FMO2: variants seen among roughly 807,000 people sequenced by gnomAD.
FMO2 encodes the protein flavin containing dimethylaniline monoxygenase 2.
A neutral mutation model predicts 41.6 loss-of-function variants in FMO2; 33 were observed. The ratio of observed to expected loss-of-function variants is 0.79; its 90% confidence interval spans 0.60 to 1.06. The LOEUF (loss-of-function observed/expected upper bound fraction) is 1.06. Ranked by LOEUF, FMO2 falls within the 50% of genes least tolerant of loss-of-function variation. The probability of loss-of-function intolerance (pLI) is 0.00; values close to 1 mark genes in which losing one functional copy is unlikely to be tolerated. For synonymous variants in FMO2, 214 were observed against 219.6 expected (o/e 0.97, Z 0.23); for missense variants, 619 against 632.9 (o/e 0.98, Z 0.23).
At chr1:171,202,715 T>C (rs1384819169) in intron 5 of FMO2, among the ~76,000 whole-genome samples, 1 of 152,194 alleles carries the variant, frequency 6.6e-6, no homozygotes, top group Admixed American at 6.5e-5. Flanking sequence ...TCACCCACAG[T>C]AGTGTGATTG....
intron 4 of FMO2, 125 bp downstream of exon 4, chr1:171,196,936 G>A: frequency 2.7e-6 from 2 of 742,428 alleles, no homozygotes; most frequent in Non-Finnish European, 4.4e-6. Flanking sequence ...GATTGAGACA[G>A]AGCTAGAAAG....
intron 2 of FMO2, among the ~76,000 whole-genome samples, chr1:171,192,143 A>G (rs1658109604): frequency 1.3e-5 from 2 of 152,182 alleles, no homozygotes; most frequent in South Asian, 4.1e-4. Context: ...TGCCAATGAC[A>G]TTACATTCAA....
chr1:171,199,535 G>A, intron 5 of FMO2, 47 bp downstream of exon 5: 1 of 1,543,506 alleles, frequency 6.5e-7, no homozygotes, highest in Non-Finnish European at 8.7e-7. Context: ...AGGAAGTGGG[G>A]ATGCCATACT....
intron 1 of FMO2, 120 bp from the exon 2 acceptor site, chr1:171,185,588 A>T: frequency 2.1e-6 from 2 of 940,936 alleles, no homozygotes; most frequent in Non-Finnish European, 3.3e-6. Flanking sequence ...TTTATTCAAT[A>T]GTGCTGCTTA....
intron 2 of FMO2, among the ~76,000 whole-genome samples, chr1:171,188,383 G>A (rs1054812853): frequency 6.6e-6 from 1 of 152,218 alleles, no homozygotes; most frequent in Non-Finnish European, 1.5e-5. Flanking sequence ...AGGCTTTATT[G>A]AATATTAAGG....
intron 6 of FMO2, 97 bp from the exon 7 acceptor site, chr1:171,205,181 GC>G (rs1363548687): frequency 1.2e-5 from 8 of 648,346 alleles, no homozygotes; most frequent in Non-Finnish European, 2.1e-5. Context: ...TATTTGAAAA[GC>G]CCTTTTATTT....
intron 2 of FMO2, among the ~76,000 whole-genome samples, chr1:171,188,645 G>A (rs1657952260): frequency 6.6e-6 from 1 of 152,092 alleles, no homozygotes; most frequent in Non-Finnish European, 1.5e-5. Flanking sequence ...GCTCTTCCCT[G>A]GGAAACTTTG....
intron 2 of FMO2, among the ~76,000 whole-genome samples, chr1:171,190,729 AT>A (rs28369825): frequency 0.1 from 15,815 of 152,228 alleles, 1,491 homozygotes; most frequent in African/African-American, 0.26. Context: ...AACTAGGCCA[AT>A]TTTACCCAGA....
chr1:171,187,645 A>T (rs1451684053), intron 2 of FMO2, among the ~76,000 whole-genome samples: 1 of 151,420 alleles, frequency 6.6e-6, no homozygotes, highest in Non-Finnish European at 1.5e-5. Context: ...AAAAAAAAAA[A>T]AAAAAAAAAT....
intron 5 of FMO2, among the ~76,000 whole-genome samples, chr1:171,201,657 A>G (rs1355728478): frequency 6.6e-6 from 1 of 152,178 alleles, no homozygotes; most frequent in Non-Finnish European, 1.5e-5. Context: ...GTGCTGCATC[A>G]TTGTATTAGT....
At chr1:171,187,344 A>G (rs10912525) in intron 2 of FMO2, among the ~76,000 whole-genome samples, 15,768 of 152,144 alleles carry the variant, frequency 0.1, 1,479 homozygotes, top group African/African-American at 0.26. Context: ...AGACCATATA[A>G]AGGGCTCTCA....
chr1:171,205,610 C>T lies in FMO2; in HGVS notation c.1159C>T (p.Arg387Cys), dbSNP rs1381884236. Residue 387 changes from arginine to cysteine, a missense_variant, in exon 7 of 9, where the codon CGT becomes TGT. Coordinates refer to ENST00000209929, the MANE Select transcript of FMO2 (RefSeq NM_001460.5). ...TTTCCCAACTGCTGAACTTCAAGCT[C>T]GTTGGGTGACAAGAGTTTTCAAAGG... ...SIFPTAELQARWVTRVFKGLC... is the reference protein window; with the variant it reads ...SIFPTAELQACWVTRVFKGLC... The T allele has an allele frequency of 1.6e-5, 25 of 1,609,408 alleles. No individual in the cohort carries two copies. Among genetic ancestry groups the T allele is most frequent in the East Asian group, 6.7e-5 (3 of 44,852 alleles).
chr1:171,195,744 G>C (rs562043270), intron 3 of FMO2, among the ~76,000 whole-genome samples: 1 of 152,258 alleles, frequency 6.6e-6, no homozygotes, highest in African/African-American at 2.4e-5. Flanking sequence ...CAGCAGATAT[G>C]AAACATTTAT....
chr1:171,204,068 G>T lies in FMO2; in HGVS notation c.827+4G>T. 2 of 1,611,462 alleles carry T rather than the reference G, an allele frequency of 1.2e-6. No individual in the cohort carries two copies. Among genetic ancestry groups the T allele is most frequent in the South Asian group, 2.2e-5 (2 of 91,020 alleles). ...ATGGCCTTGAGCCTCAAAACAAGTA[G>T]AGTTATTTTGCTTTTTTAATGGTAT... is the stretch of plus-strand genomic sequence containing the variant. On this transcript the variant is annotated splice_donor_region_variant and intron_variant, in intron 6 of 8. Coordinates refer to ENST00000209929, the MANE Select transcript of FMO2 (RefSeq NM_001460.5).
At position 171,195,076 on chromosome 1, in the gene FMO2, T is replaced by C. The variant is rs114950048; in HGVS notation, c.321+1553T>C. Among the ~76,000 whole-genome samples the C allele has an allele frequency of 8.3e-3, 1,267 of 152,326 alleles. 19 individuals are homozygous for C. Among genetic ancestry groups the C allele is most frequent in the African/African-American group, 0.029 (1,211 of 41,570 alleles). ...ATGATAAATAACTTCTATTCCATTC[T>C]TTTAAAGATCATGTTAGAGTCGCAA... is the stretch of plus-strand genomic sequence containing the variant. On this transcript the variant is annotated intron_variant, in intron 3 of 8. Transcript: ENST00000209929.
Position 171,208,829 on chromosome 1 carries a change from A to G in FMO2, c.1292A>G (p.Asn431Ser), listed in dbSNP as rs61730973. Residue 431 changes from asparagine to serine, a missense_variant, in exon 9 of 9, where the codon AAT (asparagine) becomes AGT (serine). Physicochemically the swap from Asn to Ser is conservative, Grantham distance 46 (BLOSUM62 1). Coordinates refer to ENST00000209929, the MANE Select transcript of FMO2 (RefSeq NM_001460.5). ...AGCCAGAGCCAGACGTTGCAGACCA[A>G]TTATGTTGACTACTTGGACGAGCTC... ...GESQSQTLQT[N>S]YVDYLDELAL... is the part of the protein sequence containing the mutation. The G allele has an allele frequency of 2.5e-6, 4 of 1,613,848 alleles. No individual in the cohort carries two copies. In the African/African-American group the frequency reaches 5.3e-5, roughly 22 times the overall value.
intron 2 of FMO2, among the ~76,000 whole-genome samples, chr1:171,186,537 G>T (rs1446428970): frequency 6.6e-6 from 1 of 152,080 alleles, no homozygotes; most frequent in Non-Finnish European, 1.5e-5. Flanking sequence ...GCTGAGCAAA[G>T]GGGGAAAAGC....
At chr1:171,202,741 C>T (rs1169173061) in intron 5 of FMO2, among the ~76,000 whole-genome samples, 1 of 152,246 alleles carries the variant, frequency 6.6e-6, no homozygotes, top group South Asian at 2.1e-4. Context: ...CAAACCCAAG[C>T]AGTCTGTATC....
rs1001724814 is a variant in FMO2 at position 171,210,024 on chromosome 1, G to A, written c.*879G>A. 6.6e-6 allele frequency: 1 copy of A among 152,076 alleles called. No individual in the cohort carries two copies. Among genetic ancestry groups the A allele is most frequent in the African/African-American group, 2.4e-5 (1 of 41,420 alleles). 9.4% of individuals were successfully genotyped at this position (152,076 alleles called of 1,614,324 possible). Reference sequence around the variant, plus strand: ...GAACTAAAGATCATAATGTTGTCTTGTAATATATTTATTTACAAAACACTT... The same window carrying A: ...GAACTAAAGATCATAATGTTGTCTTATAATATATTTATTTACAAAACACTT... On this transcript the variant is annotated 3_prime_UTR_variant, in exon 9 of 9. Transcript: ENST00000209929.
Sources: gnomAD v4.1 joint callset for allele counts (sites outside exome capture counted in the v4.1 genomes callset) on GRCh38, gnomAD v4.1.1 for gene constraint, MANE v1.5 for transcripts, NCBI Gene and HGNC (gene_info 2026-07-23, HGNC 2026-07-21) for gene names.